The following RB1 variants were observed in gnomAD, a reference collection of about 807,000 sequenced individuals.
RB1 encodes RB transcriptional corepressor 1.
A neutral mutation model predicts 135.4 loss-of-function variants in RB1; 18 were observed. The observed-to-expected ratio is 0.13, with a 90% CI of 0.09 to 0.20. The LOEUF (loss-of-function observed/expected upper bound fraction) is 0.20. Ranked by LOEUF, RB1 falls within the 10% of genes least tolerant of loss-of-function variation. The pLI is 1.00. For missense variants in RB1, 868 were observed against 1,110.0 expected (o/e 0.78, Z 3.10); for synonymous variants, 365 against 373.2 (o/e 0.98, Z 0.25).
At chr13:48,477,632 T>C (rs145691752) in intron 26 of RB1, among the ~76,000 whole-genome samples, 1 of 152,272 alleles carries the variant, frequency 6.6e-6, no homozygotes, top group East Asian at 1.9e-4. Flanking sequence ...GCAGGAAGAC[T>C]AAGAAGTGAA....
chr13:48,415,483 TG>T (rs1948893639), intron 17 of RB1, among the ~76,000 whole-genome samples: 2 of 152,100 alleles, frequency 1.3e-5, no homozygotes, highest in African/African-American at 4.8e-5. Context: ...TTTTACCATG[TG>T]GCCAGGCTGG....
At chr13:48,457,175 A>G (rs151077770) in intron 19 of RB1, among the ~76,000 whole-genome samples, 2,710 of 152,292 alleles carry the variant, frequency 0.018, 44 homozygotes, top group Non-Finnish European at 0.031. Context: ...GAGAAGACCC[A>G]TAGTGGGCAG....
At chr13:48,320,478 A>G (rs913179884) in intron 2 of RB1, 34 of 767,194 alleles carry the variant, frequency 4.4e-5, no homozygotes, top group African/African-American at 7.0e-5. Context: ...GAAACATTCT[A>G]GCAGAAGGGG....
chr13:48,418,440 A>G (rs1948950973), intron 17 of RB1, among the ~76,000 whole-genome samples: 1 of 152,208 alleles, frequency 6.6e-6, no homozygotes, highest in Non-Finnish European at 1.5e-5. Context: ...CCAAATTGTA[A>G]AGACCATTGA....
At chr13:48,407,395 T>G (rs539303672) in intron 17 of RB1, among the ~76,000 whole-genome samples, 3 of 152,318 alleles carry the variant, frequency 2.0e-5, no homozygotes, top group South Asian at 2.1e-4. Context: ...ACTATCATTT[T>G]AAGGTAATAA....
chr13:48,464,669 G>A (rs766558529), intron 21 of RB1, among the ~76,000 whole-genome samples: 1 of 152,038 alleles, frequency 6.6e-6, no homozygotes, highest in Non-Finnish European at 1.5e-5. Flanking sequence ...TTCCCATCAT[G>A]CTTTCCATTC....
chr13:48,357,335 A>G (rs2138104122), intron 6 of RB1, among the ~76,000 whole-genome samples: 1 of 151,108 alleles, frequency 6.6e-6, no homozygotes, highest in African/African-American at 2.4e-5. Flanking sequence ...CATTTTTTCC[A>G]TTTTGAGCTA....
chr13:48,314,016 G>A (rs549693237), intron 2 of RB1, among the ~76,000 whole-genome samples: 1 of 152,154 alleles, frequency 6.6e-6, no homozygotes, highest in East Asian at 1.9e-4. Context: ...CCAAAGTGCT[G>A]GGATTACAGG....
At chr13:48,378,131 T>C (rs1423659158) in intron 13 of RB1, among the ~76,000 whole-genome samples, 1 of 152,172 alleles carries the variant, frequency 6.6e-6, no homozygotes, top group Non-Finnish European at 1.5e-5. Context: ...GTAGACTTTA[T>C]AAATACTACA....
At chr13:48,332,217 G>A (rs1045642105) in intron 2 of RB1, among the ~76,000 whole-genome samples, 1 of 152,230 alleles carries the variant, frequency 6.6e-6, no homozygotes, top group Non-Finnish European at 1.5e-5. Flanking sequence ...GTTAGCAGGG[G>A]TGGGGAGCCT....
At chr13:48,479,640 G>T (rs1460451902) in intron 26 of RB1, among the ~76,000 whole-genome samples, 2 of 151,942 alleles carry the variant, frequency 1.3e-5, no homozygotes, top group East Asian at 3.9e-4. Flanking sequence ...TGTTTTTTTG[G>T]GGGGTGGGGA....
At chr13:48,371,828 C>G (rs909067009) in intron 11 of RB1, among the ~76,000 whole-genome samples, 4 of 152,094 alleles carry the variant, frequency 2.6e-5, no homozygotes, top group African/African-American at 9.7e-5. Context: ...GTCTGTGTCC[C>G]ATTACGAACT....
intron 17 of RB1, among the ~76,000 whole-genome samples, chr13:48,393,029 C>T (rs1312005034): frequency 6.6e-6 from 1 of 152,168 alleles, no homozygotes; most frequent in African/African-American, 2.4e-5. Flanking sequence ...ACTATCCAGG[C>T]ATTGCTCTTC....
In RB1 at chr13:48,452,240, A is replaced by T. The variant is rs114545883; in HGVS notation, c.1696-753A>T. 8.5e-3 allele frequency among the ~76,000 whole-genome samples: 1,286 copies of T among 152,184 alleles called. 16 individuals are homozygous for T. Among genetic ancestry groups the T allele is most frequent in the African/African-American group, 0.03 (1,243 of 41,558 alleles). On this transcript the variant is annotated intron_variant, in intron 17 of 26. Transcript: ENST00000267163. Reference sequence around the variant, plus strand: ...GATGAGGAATGTTTCTAGTTTTTCCATTCCAGGAAGAAAATCTGAGTAAAA... The same window carrying T: ...GATGAGGAATGTTTCTAGTTTTTCCTTTCCAGGAAGAAAATCTGAGTAAAA...
chr13:48,392,707 C>G (rs893878003), intron 17 of RB1, among the ~76,000 whole-genome samples: 1 of 151,770 alleles, frequency 6.6e-6, no homozygotes. Flanking sequence ...GTTACTAAGT[C>G]TAGTACCTAT....
chr13:48,461,714 T>C (rs1296654193), intron 20 of RB1, among the ~76,000 whole-genome samples: 1 of 152,210 alleles, frequency 6.6e-6, no homozygotes, highest in Non-Finnish European at 1.5e-5. Context: ...CTCAGTGTGG[T>C]TTGATTTGCA....
intron 17 of RB1, among the ~76,000 whole-genome samples, chr13:48,384,699 C>A (rs1488306199): frequency 6.6e-6 from 1 of 152,096 alleles, no homozygotes; most frequent in East Asian, 1.9e-4. Flanking sequence ...TTCTCTCCTG[C>A]CAATAATTTA....
chr13:48,372,201 G>A (rs1952765608), intron 11 of RB1, among the ~76,000 whole-genome samples: 1 of 152,204 alleles, frequency 6.6e-6, no homozygotes. Context: ...GTTTCATTAA[G>A]AGCAAGTATT....
intron 5 of RB1, among the ~76,000 whole-genome samples, chr13:48,348,064 G>A (rs931331799): frequency 1.9e-4 from 29 of 151,914 alleles, no homozygotes; most frequent in African/African-American, 6.3e-4. Flanking sequence ...GTACTACAAA[G>A]AAGAACTAAT....
Sources: gnomAD v4.1 joint callset for allele counts (sites outside exome capture counted in the v4.1 genomes callset) on GRCh38, gnomAD v4.1.1 for gene constraint, MANE v1.5 for transcripts, NCBI Gene and HGNC (gene_info 2026-07-23, HGNC 2026-07-21) for gene names.